HP1BP3: variants seen among roughly 807,000 people sequenced by gnomAD.
The protein encoded by HP1BP3 is heterochromatin protein 1-binding protein 3.
HP1BP3 carries 12 observed loss-of-function variants against 62.5 expected under a neutral mutation model. The observed-to-expected ratio is 0.19, with a 90% CI of 0.12 to 0.31. The LOEUF (loss-of-function observed/expected upper bound fraction) is 0.31. Ranked by LOEUF, HP1BP3 falls within the 10% of genes least tolerant of loss-of-function variation. The pLI is 1.00. For synonymous variants in HP1BP3, 260 were observed against 237.8 expected, an observed-to-expected ratio of 1.09 and a Z score of -0.86; for missense variants, 502 against 651.8, an observed-to-expected ratio of 0.77 and a Z score of 2.50.
intron 8 of HP1BP3, among the ~76,000 whole-genome samples, chr1:20,757,865 G>C (rs1404223513): frequency 6.6e-6 from 1 of 152,004 alleles, no homozygotes; most frequent in Non-Finnish European, 1.5e-5. Flanking sequence ...CAATGTCTTG[G>C]CCAGGCGCGG....
intron 9 of HP1BP3, among the ~76,000 whole-genome samples, chr1:20,750,616 A>C (rs953725495): frequency 2.0e-5 from 3 of 151,972 alleles, no homozygotes; most frequent in African/African-American, 7.2e-5. Context: ...AATGAAGTAT[A>C]GCTGACCCTT....
intron 8 of HP1BP3, among the ~76,000 whole-genome samples, chr1:20,758,689 T>C (rs981671158): frequency 1.3e-4 from 19 of 145,786 alleles, no homozygotes; most frequent in African/African-American, 1.3e-4. Context: ...TGTGTCACTC[T>C]GGATGGAGTG....
chr1:20,776,824 CTTAT>C, intron 3 of HP1BP3, 74 bp from the exon 4 acceptor site: 1 of 1,318,976 alleles, frequency 7.6e-7, no homozygotes, highest in South Asian at 1.7e-5. Context: ...AAAAGCTTAT[CTTAT>C]TAAACGGACC....
At chr1:20,745,756 C>A in intron 11 of HP1BP3, 100 bp from the exon 12 acceptor site, 2 of 1,207,064 alleles carry the variant, frequency 1.7e-6, no homozygotes, top group East Asian at 2.4e-5. Flanking sequence ...CACTTCTTCC[C>A]ACCCTTCCCA....
intron 7 of HP1BP3, among the ~76,000 whole-genome samples, chr1:20,766,187 A>G (rs888586276): frequency 3.3e-5 from 5 of 152,318 alleles, no homozygotes; most frequent in Admixed American, 6.5e-5. Context: ...TTTACTCAGG[A>G]GGCTGAGGCA....
In HP1BP3 at chr1:20,741,570, G is replaced by A. The variant is rs1557625325; in HGVS notation, c.*3227C>T. 6.6e-6 allele frequency among the ~76,000 whole-genome samples: 1 copy of A among 152,218 alleles called. No individual in the cohort carries two copies. The highest frequency in any genetic ancestry group is 1.5e-5 in the Non-Finnish European group (1 of 68,028). ...TTCCTTTAATTAAGTCCATGTGGAT[G>A]CATAGTCAGAATCCATGTGCAATGA... On this transcript the variant is annotated 3_prime_UTR_variant, in exon 13 of 13. Coordinates refer to ENST00000438032, the MANE Select transcript of HP1BP3 (RefSeq NM_001372052.1).
At chr1:20,777,704 C>T (rs867145792) in intron 3 of HP1BP3, among the ~76,000 whole-genome samples, 6 of 152,156 alleles carry the variant, frequency 3.9e-5, no homozygotes, top group South Asian at 4.1e-4. Flanking sequence ...GTGATCCACC[C>T]GCCTCAGCCT....
At position 20,776,664 on chromosome 1, in the gene HP1BP3, G is replaced by C; in HGVS notation, c.283C>G (p.Gln95Glu). 1 of 1,613,740 alleles carries C rather than the reference G, an allele frequency of 6.2e-7. No homozygotes were observed. The highest frequency in any genetic ancestry group is 8.5e-7 in the Non-Finnish European group (1 of 1,179,782). Residue 95 changes from glutamine to glutamate, a missense_variant, in exon 4 of 13, where the codon CAG (glutamine) becomes GAG (glutamate). Physicochemically the swap from Gln to Glu is conservative, Grantham distance 29. Coordinates refer to ENST00000438032, the MANE Select transcript of HP1BP3 (RefSeq NM_001372052.1). ...TPPATSSEAE[Q>E]PKGEPENEEK... ...TCATTCTCAGGTTCCCCCTTTGGCT[G>C]CTCTGCCTCACTCGAAGTAGCAGGT...
At position 20,776,858 on chromosome 1, in the gene HP1BP3, C is replaced by T. The variant is rs2057326267; in HGVS notation, c.197-108G>A. The T allele has an allele frequency of 1.4e-5, 12 of 880,942 alleles. No individual in the cohort carries two copies. In the South Asian group the frequency reaches 2.8e-4, roughly 21 times the overall value. The allele number at this position is 880,942 out of a possible 1,614,324, so 54.6% of individuals were successfully genotyped here. ...CGGACCAGCCAAAGTCTCCAATTAA[C>T]AAATGAATTCTAAAATGAAAATGAA... On this transcript the variant is annotated intron_variant, in intron 3 of 12. Transcript: ENST00000438032.
chr1:20,764,779 G>A (rs565764576), intron 8 of HP1BP3, among the ~76,000 whole-genome samples: 2 of 151,792 alleles, frequency 1.3e-5, no homozygotes, highest in South Asian at 4.2e-4. Context: ...GGAGGCTGTG[G>A]CAGGAAAATC....
chr1:20,764,031 T>A (rs544904042), intron 8 of HP1BP3, among the ~76,000 whole-genome samples: 1 of 152,340 alleles, frequency 6.6e-6, no homozygotes, highest in South Asian at 2.1e-4. Context: ...TCAAAAACTA[T>A]ACCCAGATGC....
chr1:20,776,190 T>C, intron 4 of HP1BP3: 1 of 525,922 alleles, frequency 1.9e-6, no homozygotes, highest in Non-Finnish European at 3.2e-6. Flanking sequence ...CAATGCCTTC[T>C]AACATAAGCA....
chr1:20,776,135 C>T, intron 4 of HP1BP3: 1 of 812,082 alleles, frequency 1.2e-6, no homozygotes, highest in Non-Finnish European at 1.8e-6. Context: ...TTTCATCAAA[C>T]ATATATAGAC....
chr1:20,771,226 A>AGT (rs2057044639), intron 5 of HP1BP3, among the ~76,000 whole-genome samples, 153 bp from the exon 6 acceptor site: 1 of 152,266 alleles, frequency 6.6e-6, no homozygotes, highest in Non-Finnish European at 1.5e-5. Context: ...CATAATGACT[A>AGT]CAGAGAAGTA....
intron 11 of HP1BP3, among the ~76,000 whole-genome samples, chr1:20,746,815 G>A (rs929990524): frequency 1.3e-5 from 2 of 152,226 alleles, no homozygotes; most frequent in East Asian, 3.9e-4. Flanking sequence ...AGGAGTTCAA[G>A]GCCAGCCTAG....
chr1:20,758,006 C>T (rs560535401), intron 8 of HP1BP3, among the ~76,000 whole-genome samples: 139 of 151,958 alleles, frequency 9.1e-4, no homozygotes, highest in African/African-American at 2.8e-3. Context: ...ATTAACGGGG[C>T]GTGGTGTCAG....
intron 8 of HP1BP3, among the ~76,000 whole-genome samples, chr1:20,764,768 C>T (rs1202809906): frequency 6.6e-6 from 1 of 150,472 alleles, no homozygotes; most frequent in Non-Finnish European, 1.5e-5. Context: ...CCCAGCTATT[C>T]GGAGGCTGTG....
At chr1:20,760,323 AG>A (rs1203888151) in intron 8 of HP1BP3, among the ~76,000 whole-genome samples, 2 of 152,128 alleles carry the variant, frequency 1.3e-5, no homozygotes, top group Non-Finnish European at 2.9e-5. Flanking sequence ...GGATCACTTG[AG>A]GCCAGGAGTT....
chr1:20,764,703 A>C (rs1434008708), intron 8 of HP1BP3, among the ~76,000 whole-genome samples: 10 of 151,172 alleles, frequency 6.6e-5, no homozygotes, highest in Non-Finnish European at 1.3e-4. Context: ...AAAAAAAAAA[A>C]AAAAACCACA....
Sources: gnomAD v4.1 joint callset for allele counts (sites outside exome capture counted in the v4.1 genomes callset) on GRCh38, gnomAD v4.1.1 for gene constraint, MANE v1.5 for transcripts, NCBI Gene and HGNC (gene_info 2026-07-23, HGNC 2026-07-21) for gene names.